Variants in CDC20B observed in about 807,000 individuals in gnomAD.
The protein encoded by CDC20B is cell division cycle protein 20 homolog B.
CDC20B carries 58 observed loss-of-function variants against 64.1 expected under a neutral mutation model. The observed-to-expected ratio is 0.90, with a 90% CI of 0.73 to 1.13. The LOEUF (loss-of-function observed/expected upper bound fraction) is 1.13, where lower values mean the gene tolerates loss of function less well. CDC20B is among the 50% of genes most tolerant of loss of function. CDC20B has a pLI of 0.00. For synonymous variants in CDC20B, 243 were observed against 230.6 expected (o/e 1.05, Z -0.49); for missense variants, 597 against 633.0 (o/e 0.94, Z 0.61).
chr5:55,128,419 A>T lies in CDC20B; in HGVS notation c.894+2T>A, dbSNP rs759309662. ...ATGAGAAAAAAAAAAACTGGCCAGT[A>T]CTTGCACTTCTCCCTCGCTGGTGCC... On this transcript the variant is annotated splice_donor_variant, in intron 7 of 11. Transcript: ENST00000381375. LOFTEE classifies it high-confidence loss of function. 6 of 1,596,642 alleles carry T rather than the reference A, an allele frequency of 3.8e-6. No individual in the cohort carries two copies. The highest frequency in any genetic ancestry group is 4.3e-6 in the Non-Finnish European group (5 of 1,175,316).
At chr5:55,140,547 T>A (rs1743302678) in intron 4 of CDC20B, 140 bp from the exon 5 acceptor site, 2 of 557,530 alleles carry the variant, frequency 3.6e-6, no homozygotes, top group African/African-American at 3.9e-5. Context: ...AACACCACAA[T>A]AATCGCTATT....
At chr5:55,147,518 G>A (rs561913142) in intron 2 of CDC20B, among the ~76,000 whole-genome samples, 191 of 146,278 alleles carry the variant, frequency 1.3e-3, no homozygotes, top group African/African-American at 3.3e-3. Context: ...AAAATGTTAC[G>A]TATTTTTATA....
intron 6 of CDC20B, among the ~76,000 whole-genome samples, chr5:55,131,154 T>TAACA (rs1202834712): frequency 6.6e-6 from 1 of 151,854 alleles, no homozygotes; most frequent in South Asian, 2.1e-4. Flanking sequence ...CAAAAAACAA[T>TAACA]AACAAACAAA....
intron 9 of CDC20B, among the ~76,000 whole-genome samples, chr5:55,121,926 A>G (rs1004484605): frequency 6.6e-6 from 1 of 152,200 alleles, no homozygotes; most frequent in Non-Finnish European, 1.5e-5. Context: ...TCCATTTTTT[A>G]AAAACATACA....
At chr5:55,119,003 C>T (rs79811005) in intron 11 of CDC20B, among the ~76,000 whole-genome samples, 6,637 of 152,236 alleles carry the variant, frequency 0.044, 207 homozygotes, top group Non-Finnish European at 0.064. Context: ...CTGTGTATCC[C>T]CAGCACCCCA....
intron 9 of CDC20B, among the ~76,000 whole-genome samples, chr5:55,122,206 A>G (rs1198382840): frequency 1.3e-5 from 2 of 152,078 alleles, no homozygotes; most frequent in African/African-American, 4.8e-5. Flanking sequence ...TAAATCACCT[A>G]CTTTATTTGG....
chr5:55,144,198 A>G (rs765782216), intron 3 of CDC20B, among the ~76,000 whole-genome samples: 3 of 152,082 alleles, frequency 2.0e-5, no homozygotes, highest in Non-Finnish European at 4.4e-5. Flanking sequence ...CCCCCTTTCT[A>G]TTGCAGAAAG....
intron 11 of CDC20B, among the ~76,000 whole-genome samples, chr5:55,116,146 TG>T (rs1742621980): frequency 6.6e-6 from 1 of 152,222 alleles, no homozygotes; most frequent in African/African-American, 2.4e-5. Flanking sequence ...CAAACCCTGA[TG>T]AAAGAATCTC....
intron 5 of CDC20B, among the ~76,000 whole-genome samples, chr5:55,137,978 T>G (rs185386485): frequency 6.6e-6 from 1 of 152,058 alleles, no homozygotes; most frequent in Admixed American, 6.5e-5. Context: ...GTGGGTTAGT[T>G]AAAAGACTGT....
Position 55,146,821 on chromosome 5 carries a change from A to T in CDC20B, c.162T>A (p.Phe54Leu), listed in dbSNP as rs568857870. Reference protein sequence around the residue: ...LDSVNATYSDFKSNFAKRLSA... With the variant: ...LDSVNATYSDLKSNFAKRLSA... ...ACAGCCTCTTCGCAAAGTTGCTCTT[A>T]AAGTCAGAATACGTAGCATTAACTG... Residue 54 changes from phenylalanine (F) to leucine (L), a missense_variant, in exon 3 of 12, where the codon TTT becomes TTA. Phe to Leu is a conservative substitution (Grantham distance 22, BLOSUM62 0). Around this residue, in one of 3 missense-constraint regions of CDC20B, gnomAD observed 241 missense variants for 219.2 expected, o/e 1.10. Coordinates refer to ENST00000381375, the MANE Select transcript of CDC20B (RefSeq NM_001170402.1). 16 of 1,614,152 alleles carry T rather than the reference A, an allele frequency of 9.9e-6. No homozygotes were observed. The highest frequency in any genetic ancestry group is 5.1e-6 in the Non-Finnish European group (6 of 1,180,018).
intron 9 of CDC20B, among the ~76,000 whole-genome samples, chr5:55,121,438 G>C (rs1322721521): frequency 1.3e-5 from 2 of 152,080 alleles, no homozygotes; most frequent in Non-Finnish European, 2.9e-5. Context: ...TGCTAATGCT[G>C]GACCTGTTTT....
At chr5:55,161,312 T>C in intron 2 of CDC20B, 1 of 1,465,210 alleles carries the variant, frequency 6.8e-7, no homozygotes. Context: ...TAAACAATTA[T>C]ACCAGGACAA....
At chr5:55,150,279 C>T (rs1465348963) in intron 2 of CDC20B, among the ~76,000 whole-genome samples, 1 of 152,084 alleles carries the variant, frequency 6.6e-6, no homozygotes, top group Non-Finnish European at 1.5e-5. Context: ...AGCTGTAAAA[C>T]AGGGACTATA....
At chr5:55,161,087 C>T (rs767177389) in intron 2 of CDC20B, 4 of 1,614,192 alleles carry the variant, frequency 2.5e-6, no homozygotes, top group African/African-American at 1.3e-5. Flanking sequence ...TGGACCATCC[C>T]ACTTCAGCGT....
chr5:55,142,169 C>T, intron 4 of CDC20B, among the ~76,000 whole-genome samples: 1 of 152,124 alleles, frequency 6.6e-6, no homozygotes, highest in African/African-American at 2.4e-5. Flanking sequence ...TAATATGGAG[C>T]TCCTGGAAGA....
At chr5:55,142,633 T>C (rs896661681) in intron 4 of CDC20B, among the ~76,000 whole-genome samples, 1 of 152,138 alleles carries the variant, frequency 6.6e-6, no homozygotes, top group Non-Finnish European at 1.5e-5. Flanking sequence ...AGGCCACCAG[T>C]GCACCCTAAT....
intron 6 of CDC20B, among the ~76,000 whole-genome samples, chr5:55,129,196 C>T (rs184612303): frequency 1.8e-4 from 27 of 152,240 alleles, no homozygotes; most frequent in African/African-American, 3.4e-4. Flanking sequence ...CTGACTGACA[C>T]GTATCAGTAT....
Position 55,120,624 on chromosome 5 carries a change from G to T in CDC20B, c.1216-74C>A, listed in dbSNP as rs1341702916. ...GCACTCATGAATGTGATGCACTTAG[G>T]TAAGCAGCAAGTCCCCACGTCTGCA... is the stretch of plus-strand genomic sequence containing the variant. On this transcript the variant is annotated intron_variant, in intron 9 of 11. Coordinates refer to ENST00000381375, the MANE Select transcript of CDC20B (RefSeq NM_001170402.1). 1.3e-5 allele frequency: 21 copies of T among 1,578,064 alleles called. No individual in the cohort carries two copies. In the South Asian group the frequency reaches 1.7e-4, roughly 13 times the overall value.
intron 2 of CDC20B, among the ~76,000 whole-genome samples, chr5:55,171,014 A>C (rs910320705): frequency 1.3e-5 from 2 of 152,266 alleles, no homozygotes; most frequent in Non-Finnish European, 2.9e-5. Flanking sequence ...AATGAATTTT[A>C]AAAGTTACTT....
Sources: gnomAD v4.1 joint callset for allele counts (sites outside exome capture counted in the v4.1 genomes callset) on GRCh38, gnomAD v4.1.1 for gene constraint, gnomAD v4.1.1 regional missense constraint, MANE v1.5 for transcripts, NCBI Gene and HGNC (gene_info 2026-07-23, HGNC 2026-07-21) for gene names.